ATRNL1: variants seen among roughly 807,000 people sequenced by gnomAD.
ATRNL1 encodes the protein attractin like 1.
Under a neutral mutation model 182.7 loss-of-function variants are expected in ATRNL1, and 95 were observed. The observed-to-expected ratio is 0.52, with a 90% CI of 0.44 to 0.62. The LOEUF is 0.62. Ranked by LOEUF, ATRNL1 falls within the 20% of genes least tolerant of loss-of-function variation. The probability of loss-of-function intolerance (pLI) is 0.00; values close to 1 mark genes in which losing one functional copy is unlikely to be tolerated. For synonymous variants in ATRNL1, 576 were observed against 568.3 expected (o/e 1.01, Z -0.19); for missense variants, 1,471 against 1,679.5 (o/e 0.88, Z 2.17).
chr10:115,118,324 A>G (rs1339368536), intron 1 of ATRNL1, among the ~76,000 whole-genome samples: 2 of 152,114 alleles, frequency 1.3e-5, no homozygotes, highest in African/African-American at 4.8e-5. Flanking sequence ...TAGTAGTTTC[A>G]TATGCTTAAC....
At chr10:115,590,548 TAATG>T (rs1411059409) in intron 26 of ATRNL1, among the ~76,000 whole-genome samples, 2 of 152,148 alleles carry the variant, frequency 1.3e-5, no homozygotes, top group Admixed American at 1.3e-4. Context: ...TTATGAATAT[TAATG>T]AATATTAATA....
At chr10:115,490,888 G>A (rs150989307) in intron 24 of ATRNL1, among the ~76,000 whole-genome samples, 2,342 of 152,172 alleles carry the variant, frequency 0.015, 56 homozygotes, top group African/African-American at 0.051. Flanking sequence ...GGTCTTTGAC[G>A]TTGGTGACCT....
At chr10:115,818,287 G>T (rs1373741429) in intron 27 of ATRNL1, among the ~76,000 whole-genome samples, 2 of 151,452 alleles carry the variant, frequency 1.3e-5, no homozygotes, top group East Asian at 3.9e-4. Flanking sequence ...TTATGAAAAG[G>T]TATAGACTTT....
chr10:115,427,641 A>G (rs777184462), intron 21 of ATRNL1, among the ~76,000 whole-genome samples: 28 of 152,060 alleles, frequency 1.8e-4, no homozygotes, highest in Admixed American at 1.2e-3. Context: ...TTTTTTCTCC[A>G]TGTAAATATT....
intron 27 of ATRNL1, among the ~76,000 whole-genome samples, chr10:115,836,866 G>T (rs892375064): frequency 2.0e-5 from 3 of 152,100 alleles, no homozygotes; most frequent in Non-Finnish European, 4.4e-5. Flanking sequence ...TTGTGCTGTG[G>T]ATCTTTTAAT....
intron 26 of ATRNL1, among the ~76,000 whole-genome samples, chr10:115,632,203 G>A (rs1232420921): frequency 2.0e-5 from 3 of 152,072 alleles, no homozygotes; most frequent in Non-Finnish European, 4.4e-5. Flanking sequence ...TGGAAGCAAG[G>A]AGACCATATA....
chr10:115,925,441 C>G (rs908520197), intron 28 of ATRNL1, among the ~76,000 whole-genome samples: 1 of 151,812 alleles, frequency 6.6e-6, no homozygotes, highest in Non-Finnish European at 1.5e-5. Flanking sequence ...GGCTAAATGC[C>G]CCAATTAAAA....
chr10:115,927,032 A>G (rs1953257388), intron 28 of ATRNL1, among the ~76,000 whole-genome samples: 2 of 152,186 alleles, frequency 1.3e-5, no homozygotes, highest in East Asian at 3.8e-4. Flanking sequence ...ATACTGGCAC[A>G]CCAAATCCAG....
chr10:115,823,456 G>T (rs112516905), intron 27 of ATRNL1, among the ~76,000 whole-genome samples: 1 of 152,066 alleles, frequency 6.6e-6, no homozygotes, highest in African/African-American at 2.4e-5. Flanking sequence ...AGAAATAAAG[G>T]GTATTCAATT....
chr10:115,382,017 T>C (rs1352115636), intron 19 of ATRNL1, among the ~76,000 whole-genome samples: 1 of 152,164 alleles, frequency 6.6e-6, no homozygotes, highest in African/African-American at 2.4e-5. Flanking sequence ...ATAAGTGTAA[T>C]GGTTTATTTT....
chr10:115,936,564 A>G (rs1362607490), intron 28 of ATRNL1, among the ~76,000 whole-genome samples: 2 of 152,220 alleles, frequency 1.3e-5, no homozygotes, highest in Non-Finnish European at 1.5e-5. Flanking sequence ...TATTGAAATT[A>G]TTAACTAAAT....
intron 10 of ATRNL1, among the ~76,000 whole-genome samples, chr10:115,255,355 C>A (rs1274186069): frequency 6.6e-6 from 1 of 152,164 alleles, no homozygotes; most frequent in Non-Finnish European, 1.5e-5. Flanking sequence ...TCCTTCACAT[C>A]CCTTGTAAGT....
intron 22 of ATRNL1, among the ~76,000 whole-genome samples, chr10:115,466,281 T>G (rs1554970776): frequency 6.6e-6 from 1 of 151,448 alleles, no homozygotes; most frequent in African/African-American, 2.4e-5. Flanking sequence ...AATTAATATA[T>G]TCTCTATCTC....
intron 26 of ATRNL1, among the ~76,000 whole-genome samples, chr10:115,673,646 C>G (rs1945770203): frequency 6.6e-6 from 1 of 152,012 alleles, no homozygotes; most frequent in Admixed American, 6.6e-5. Flanking sequence ...TTAATATAAC[C>G]AACTTCAACA....
chr10:115,323,440 C>G (rs1457076562), intron 18 of ATRNL1, among the ~76,000 whole-genome samples: 1 of 140,088 alleles, frequency 7.1e-6, no homozygotes, highest in South Asian at 2.5e-4. Flanking sequence ...CTCCCCTCCC[C>G]TTCCCTTCCC....
At chr10:115,395,323 TG>T (rs1844234362) in intron 20 of ATRNL1, among the ~76,000 whole-genome samples, 1 of 151,956 alleles carries the variant, frequency 6.6e-6, no homozygotes, top group Admixed American at 6.6e-5. Flanking sequence ...TATAGGTGCA[TG>T]TGTCTTTTTG....
intron 27 of ATRNL1, among the ~76,000 whole-genome samples, chr10:115,810,181 C>G (rs558198720): frequency 6.6e-6 from 1 of 151,970 alleles, no homozygotes; most frequent in East Asian, 1.9e-4. Context: ...TGGCTAGATT[C>G]AATTTGCCAA....
chr10:115,359,757 T>C (rs781931014), intron 19 of ATRNL1, among the ~76,000 whole-genome samples: 7 of 151,600 alleles, frequency 4.6e-5, no homozygotes, highest in Non-Finnish European at 8.9e-5. Context: ...AGAAGATAAA[T>C]AGAATCTTGA....
Position 115,519,442 on chromosome 10 carries a change from T to C in ATRNL1, c.3716+118T>C, listed in dbSNP as rs566007555. 5.7e-5 allele frequency: 45 copies of C among 791,004 alleles called. 1 individual carries two copies. In the East Asian group the frequency reaches 1.2e-3, roughly 21 times the overall value. The allele number at this position is 791,004 out of a possible 1,614,324, so 49.0% of individuals were successfully genotyped here. A position where few individuals can be genotyped will look rare whatever the true frequency, so the allele number is the denominator to read the frequency against. On this transcript the variant is annotated intron_variant, in intron 25 of 28. Transcript: ENST00000355044. Reference sequence around the variant, plus strand: ...CCTTAAAGTATCATAGAGTATGTCTTGAATAGCTTTATATGCTTAAATATA... The same window carrying C: ...CCTTAAAGTATCATAGAGTATGTCTCGAATAGCTTTATATGCTTAAATATA...
Sources: allele counts gnomAD v4.1 joint callset (sites outside exome capture counted in the v4.1 genomes callset), GRCh38; gene constraint gnomAD v4.1.1; transcripts MANE v1.5; gene names NCBI Gene and HGNC (gene_info 2026-07-23, HGNC 2026-07-21).